PDE4B: variants seen among roughly 807,000 people sequenced by gnomAD.
The protein encoded by PDE4B is 3',5'-cyclic-AMP phosphodiesterase 4B.
A neutral mutation model predicts 82.2 loss-of-function variants in PDE4B; 20 were observed. That is an observed-to-expected ratio of 0.24 (90% confidence interval 0.17 to 0.35). PDE4B has a LOEUF of 0.35. PDE4B is among the 10% of genes least tolerant of loss of function. PDE4B has a pLI of 1.00. For synonymous variants in PDE4B, 320 were observed against 318.9 expected (o/e 1.00, Z -0.04); for missense variants, 655 against 907.2 (o/e 0.72, Z 3.57).
intron 3 of PDE4B, among the ~76,000 whole-genome samples, chr1:66,096,508 T>TTTTA (rs1553145340): frequency 9.3e-6 from 1 of 107,328 alleles, no homozygotes; most frequent in Non-Finnish European, 1.8e-5. Flanking sequence ...GTAAAAAAAA[T>TTTTA]TATATATATA....
chr1:66,095,343 G>A (rs1250560599), intron 3 of PDE4B, among the ~76,000 whole-genome samples: 1 of 151,868 alleles, frequency 6.6e-6, no homozygotes, highest in African/African-American at 2.4e-5. Flanking sequence ...AGAAATAAAT[G>A]ATGTATTGTG....
intron 3 of PDE4B, among the ~76,000 whole-genome samples, chr1:66,215,433 T>C (rs916865496): frequency 6.6e-6 from 1 of 152,140 alleles, no homozygotes; most frequent in Non-Finnish European, 1.5e-5. Flanking sequence ...AGCTATGCTA[T>C]ACTAGAAAAG....
intron 3 of PDE4B, among the ~76,000 whole-genome samples, chr1:66,030,790 G>T (rs984819142): frequency 1.3e-5 from 2 of 152,194 alleles, no homozygotes; most frequent in African/African-American, 2.4e-5. Flanking sequence ...AAACAAGAAT[G>T]AAATCATGTC....
At chr1:65,987,194 A>G (rs1015222342) in intron 3 of PDE4B, among the ~76,000 whole-genome samples, 2 of 152,190 alleles carry the variant, frequency 1.3e-5, no homozygotes, top group East Asian at 1.9e-4. Context: ...CATCTCTAAG[A>G]AACATGAAAC....
chr1:65,868,028 G>A (rs944839840), intron 1 of PDE4B, among the ~76,000 whole-genome samples: 4 of 152,210 alleles, frequency 2.6e-5, no homozygotes, highest in African/African-American at 9.7e-5. Context: ...TAGAGCTCAA[G>A]AGGTAAATAT....
chr1:65,853,398 T>C (rs1646353277), intron 1 of PDE4B, among the ~76,000 whole-genome samples: 1 of 152,170 alleles, frequency 6.6e-6, no homozygotes. Context: ...TATTTCAGTT[T>C]TAATCTACCA....
Position 66,289,326 on chromosome 1 carries a change from G to A in PDE4B, c.634+23239G>A, listed in dbSNP as rs146114083. ...TCTTTTGGACCAGGAGGGAGAGACA[G>A]ACTATAAACAGGAAAATAAATAGAT... On this transcript the variant is annotated intron_variant, in intron 7 of 16. Coordinates refer to ENST00000341517, the MANE Select transcript of PDE4B (RefSeq NM_002600.4). Among the ~76,000 whole-genome samples the A allele has an allele frequency of 5.2e-3, 794 of 152,142 alleles. 5 individuals carry two copies. The highest frequency in any genetic ancestry group is 0.018 in the African/African-American group (749 of 41,532).
chr1:66,052,249 A>C (rs917831711), intron 3 of PDE4B, among the ~76,000 whole-genome samples: 1 of 152,208 alleles, frequency 6.6e-6, no homozygotes, highest in Non-Finnish European at 1.5e-5. Flanking sequence ...TTTTAAAATC[A>C]GTTTTCACAT....
chr1:66,259,779 A>G (rs1490273279), intron 6 of PDE4B, among the ~76,000 whole-genome samples: 1 of 152,198 alleles, frequency 6.6e-6, no homozygotes, highest in East Asian at 1.9e-4. Flanking sequence ...CTTCTGAATA[A>G]ATAATTGTTG....
intron 3 of PDE4B, among the ~76,000 whole-genome samples, chr1:66,236,849 C>T (rs1333587177): frequency 6.6e-6 from 1 of 152,130 alleles, no homozygotes; most frequent in Non-Finnish European, 1.5e-5. Flanking sequence ...ATGGATCCAA[C>T]CAAACTGGTT....
At chr1:65,941,178 T>C (rs1320975007) in intron 3 of PDE4B, among the ~76,000 whole-genome samples, 1 of 152,012 alleles carries the variant, frequency 6.6e-6, no homozygotes. Context: ...AAGCCTCAGG[T>C]TCTGTCACAG....
Position 65,934,875 on chromosome 1 carries a change from C to T in PDE4B, c.281+16040C>T, listed in dbSNP as rs563728550. On this transcript the variant is annotated intron_variant, in intron 3 of 16. Coordinates refer to ENST00000341517, the MANE Select transcript of PDE4B (RefSeq NM_002600.4). ...GCATCTAAATATATAAAGCAAAAAT[C>T]GACACACCTAAAGAAATAATACACA... 2.6e-5 allele frequency among the ~76,000 whole-genome samples: 4 copies of T among 151,948 alleles called. No homozygotes were observed. The South Asian group carries it at 8.3e-4, about 32-fold the overall frequency.
chr1:65,854,157 T>G (rs994101231), intron 1 of PDE4B, among the ~76,000 whole-genome samples: 4 of 151,778 alleles, frequency 2.6e-5, no homozygotes, highest in Admixed American at 2.6e-4. Flanking sequence ...ACCTGTCCTC[T>G]CCTCTCCTTT....
At chr1:65,940,810 T>C (rs1226567160) in intron 3 of PDE4B, among the ~76,000 whole-genome samples, 2 of 152,070 alleles carry the variant, frequency 1.3e-5, no homozygotes, top group African/African-American at 4.8e-5. Flanking sequence ...GGAAATTAGG[T>C]GTATGAATCT....
At chr1:65,889,986 A>T (rs1000113088) in intron 1 of PDE4B, among the ~76,000 whole-genome samples, 3 of 152,138 alleles carry the variant, frequency 2.0e-5, no homozygotes, top group South Asian at 2.1e-4. Context: ...AAGCTCAATA[A>T]TTTTAAAGTC....
intron 3 of PDE4B, among the ~76,000 whole-genome samples, chr1:66,127,668 A>G (rs1645850879): frequency 6.6e-6 from 1 of 152,162 alleles, no homozygotes; most frequent in Non-Finnish European, 1.5e-5. Context: ...AAGTATATTC[A>G]GGAGGTTGAT....
intron 3 of PDE4B, among the ~76,000 whole-genome samples, chr1:66,186,964 G>A (rs1452940803): frequency 1.1e-4 from 16 of 152,196 alleles, no homozygotes; most frequent in Admixed American, 6.5e-4. Context: ...GATATTGGCT[G>A]TGGGTTTGTC....
rs183872559 is a variant in PDE4B at position 66,232,747 on chromosome 1, G to A, written c.282-14713G>A. ...TTGAGAAAGATAGTGACTAAGAATT[G>A]ACCATTGGTTTGGACAAGACGTAGG... On this transcript the variant is annotated intron_variant, in intron 3 of 16. Transcript: ENST00000341517. 2.6e-5 allele frequency among the ~76,000 whole-genome samples: 4 copies of A among 152,300 alleles called. No individual in the cohort carries two copies. The East Asian group carries it at 5.8e-4, about 22-fold the overall frequency.
intron 8 of PDE4B, among the ~76,000 whole-genome samples, chr1:66,342,788 A>G (rs1019671284): frequency 1.3e-5 from 2 of 151,854 alleles, no homozygotes; most frequent in Non-Finnish European, 2.9e-5. Context: ...TCACGCCTGT[A>G]ATCCCAAAAC....
Sources: gnomAD v4.1 joint callset for allele counts (sites outside exome capture counted in the v4.1 genomes callset) on GRCh38, gnomAD v4.1.1 for gene constraint, MANE v1.5 for transcripts, NCBI Gene and HGNC (gene_info 2026-07-23, HGNC 2026-07-21) for gene names.